Variants in ZNF333 observed in about 807,000 individuals in gnomAD.
The protein encoded by ZNF333 is zinc finger protein 333.
Under a neutral mutation model 76.1 loss-of-function variants are expected in ZNF333, and 61 were observed. The ratio of observed to expected loss-of-function variants is 0.80; its 90% CI spans 0.65 to 0.99. The LOEUF (loss-of-function observed/expected upper bound fraction) is 0.99, where lower values mean the gene tolerates loss of function less well. Ranked by LOEUF, ZNF333 falls within the 50% of genes least tolerant of loss-of-function variation. The probability of loss-of-function intolerance (pLI) is 0.00; values close to 1 mark genes in which losing one functional copy is unlikely to be tolerated. For synonymous variants in ZNF333, 284 were observed against 305.0 expected (o/e 0.93, Z 0.72); for missense variants, 717 against 822.4 (o/e 0.87, Z 1.57).
chr19:14,699,154 T>C (rs767072355), intron 4 of ZNF333, 45 bp from the exon 5 acceptor site: 33 of 1,419,724 alleles, frequency 2.3e-5, no homozygotes, highest in South Asian at 8.0e-5. Context: ...TTAATGTCAC[T>C]ATTTCTTTCT....
At chr19:14,727,713 A>G (rs2042642681) in intron 11 of ZNF333, among the ~76,000 whole-genome samples, 1 of 151,666 alleles carries the variant, frequency 6.6e-6, no homozygotes, top group African/African-American at 2.4e-5. Context: ...GTTAAATATA[A>G]CCAAATATCT....
chr19:14,729,134 G>C (rs974680712), intron 11 of ZNF333, among the ~76,000 whole-genome samples: 9 of 152,088 alleles, frequency 5.9e-5, no homozygotes, highest in Non-Finnish European at 7.4e-5. Flanking sequence ...TAGTAACTTG[G>C]GGCAGGGAGG....
At position 14,719,337 on chromosome 19, in the gene ZNF333, T is replaced by C. The variant is rs1265949807; in HGVS notation, c.*12T>C. ...CCCTTGCTAATTAACTTCCATTTTG[T>C]AAAAATATAAACACATGGGGCTATG... On this transcript the variant is annotated 3_prime_UTR_variant, in exon 12 of 12. Coordinates refer to ENST00000292530, the MANE Select transcript of ZNF333 (RefSeq NM_032433.4). 6.3e-7 allele frequency: 1 copy of C among 1,586,180 alleles called. No homozygotes were observed. The highest frequency in any genetic ancestry group is 1.4e-5 in the African/African-American group (1 of 73,936).
At chr19:14,711,045 A>G (rs1384425510) in intron 7 of ZNF333, among the ~76,000 whole-genome samples, 2 of 152,142 alleles carry the variant, frequency 1.3e-5, no homozygotes, top group East Asian at 3.9e-4. Context: ...GGAAAGTAGT[A>G]GAAGAGTACT....
At chr19:14,712,943 A>T (rs1424695635) in intron 7 of ZNF333, among the ~76,000 whole-genome samples, 1 of 152,128 alleles carries the variant, frequency 6.6e-6, no homozygotes, top group Non-Finnish European at 1.5e-5. Context: ...CCCCAAATTC[A>T]TGTCCTTTCC....
Position 14,719,094 on chromosome 19 carries a change from C to T in ZNF333, c.1767C>T (p.Pro589=). The T allele has an allele frequency of 6.2e-7, 1 of 1,614,180 alleles. No homozygotes were observed. ...KHARTHSGKK[P]YACQECGRAF... ...CAAGGACTCACAGTGGCAAGAAGCC[C>T]TATGCATGCCAGGAATGCGGGCGAG... is the stretch of plus-strand genomic sequence containing the variant. The change falls in exon 12 of 12, where the codon CCC becomes CCT. Residue 589 remains proline (P), a synonymous_variant. Transcript: ENST00000292530.
At chr19:14,723,584 A>G (rs543451940), downstream of ZNF333, among the ~76,000 whole-genome samples, 2 of 152,320 alleles carry the variant, frequency 1.3e-5, no homozygotes, top group East Asian at 1.9e-4. Context: ...AGTTAATTCC[A>G]AAGTATTTTA....
downstream of ZNF333, among the ~76,000 whole-genome samples, chr19:14,723,662 G>T (rs1389183492): frequency 6.6e-6 from 1 of 152,166 alleles, no homozygotes; most frequent in African/African-American, 2.4e-5. Flanking sequence ...CATTGTTAGT[G>T]CATAGAAATG....
chr19:14,716,235 G>A lies in ZNF333; in HGVS notation c.724G>A (p.Val242Met), dbSNP rs2042427317. Reference sequence around the variant, plus strand: ...GGAGAACTACAGGAACCTGGCCTCTGTGGGTAAGGCAGCTTCATCTTTTCT... The same window carrying A: ...GGAGAACTACAGGAACCTGGCCTCTATGGGTAAGGCAGCTTCATCTTTTCT... ...MLENYRNLAS[V>M]ADQLCKPNAL... Residue 242 changes from valine (V) to methionine (M), a missense_variant, in exon 9 of 12, where the codon GTG (valine) becomes ATG (methionine). Transcript: ENST00000292530. The A allele has an allele frequency of 6.2e-7, 1 of 1,609,358 alleles. No homozygotes were observed. Among genetic ancestry groups the A allele is most frequent in the African/African-American group, 1.3e-5 (1 of 74,596 alleles).
In ZNF333 at chr19:14,694,973, T is replaced by A. The variant is rs534579200; in HGVS notation, c.4-37T>A. 103 of 1,613,086 alleles carry A rather than the reference T, an allele frequency of 6.4e-5. 2 individuals are homozygous for A. The Middle Eastern group carries it at 1.3e-3, about 21-fold the overall frequency. On this transcript the variant is annotated intron_variant, in intron 2 of 11. Coordinates refer to ENST00000292530, the MANE Select transcript of ZNF333 (RefSeq NM_032433.4). ...CAGTCGTTCTGCTCAGTGGTGGGGG[T>A]GGTATTTGCCGAGCCAGAATGTGTG...
intron 7 of ZNF333, 74 bp from the exon 8 acceptor site, chr19:14,715,308 G>T: frequency 7.6e-7 from 1 of 1,317,542 alleles, no homozygotes; most frequent in Non-Finnish European, 1.1e-6. Flanking sequence ...CAGCCAGGGT[G>T]GGCAGACTTG....
chr19:14,701,751 A>C, intron 5 of ZNF333: 1 of 985,562 alleles, frequency 1.0e-6, no homozygotes, highest in Non-Finnish European at 1.2e-6. Flanking sequence ...TGAGAGTGGC[A>C]GGCATGGGGC....
chr19:14,695,471 T>TTGAAGC, intron 3 of ZNF333, 95 bp from the exon 4 acceptor site: 1 of 1,195,104 alleles, frequency 8.4e-7, no homozygotes, highest in South Asian at 1.3e-5. Flanking sequence ...GAAGCCCATA[T>TTGAAGC]TGAAGCTGAA....
At chr19:14,689,944 T>C (rs1391550233), upstream of ZNF333, 1 of 152,456 alleles carries the variant, frequency 6.6e-6, no homozygotes, top group South Asian at 2.1e-4. Flanking sequence ...AATTTCTCCT[T>C]GGAGGCTAAA....
At position 14,720,046 on chromosome 19, in the gene ZNF333, T is replaced by G. The variant is rs2042554890; in HGVS notation, c.*721T>G. 1.3e-6 allele frequency: 1 copy of G among 755,224 alleles called. No individual in the cohort carries two copies. Among genetic ancestry groups the G allele is most frequent in the Admixed American group, 6.3e-5 (1 of 15,954 alleles). The allele number at this position is 755,224 out of a possible 1,614,324, so 46.8% of individuals were successfully genotyped here. ...ACTAAAAATATAAAAATTAGCCAAG[T>G]TTGGTGGCATGCACCTGTAATCCCA... On this transcript the variant is annotated 3_prime_UTR_variant, in exon 12 of 12. Transcript: ENST00000292530.
At chr19:14,727,557 C>T (rs992951720) in intron 11 of ZNF333, among the ~76,000 whole-genome samples, 1 of 152,054 alleles carries the variant, frequency 6.6e-6, no homozygotes, top group Non-Finnish European at 1.5e-5. Flanking sequence ...AACTGACTTA[C>T]AGCAAAGGGA....
At chr19:14,711,172 A>C (rs572002108) in intron 7 of ZNF333, among the ~76,000 whole-genome samples, 4 of 152,300 alleles carry the variant, frequency 2.6e-5, no homozygotes, top group African/African-American at 7.2e-5. Context: ...ACAGTCCCTA[A>C]ATTCCAGACT....
At chr19:14,699,084 A>G (rs967446266) in intron 4 of ZNF333, 115 bp from the exon 5 acceptor site, 2 of 652,524 alleles carry the variant, frequency 3.1e-6, no homozygotes, top group Non-Finnish European at 5.1e-6. Flanking sequence ...TAAAAGAAAA[A>G]GCCTATGTGT....
chr19:14,729,291 AG>A (rs1419737290), intron 11 of ZNF333, among the ~76,000 whole-genome samples: 2 of 152,140 alleles, frequency 1.3e-5, no homozygotes, highest in Non-Finnish European at 2.9e-5. Flanking sequence ...AAGACTGTTG[AG>A]CAGCATCCCT....
Sources: allele counts gnomAD v4.1 joint callset (sites outside exome capture counted in the v4.1 genomes callset), GRCh38; gene constraint gnomAD v4.1.1; transcripts MANE v1.5; gene names NCBI Gene and HGNC (gene_info 2026-07-23, HGNC 2026-07-21).